Variants in SEPTIN8 observed in about 807,000 individuals in gnomAD.
SEPTIN8 encodes the protein septin-8.
A neutral mutation model predicts 53.1 loss-of-function variants in SEPTIN8; 22 were observed. The ratio of observed to expected loss-of-function variants is 0.41; its 90% CI spans 0.30 to 0.59. SEPTIN8 has a LOEUF of 0.59. Ranked by LOEUF, SEPTIN8 falls within the 20% of genes least tolerant of loss-of-function variation. The pLI is 0.24. For missense variants in SEPTIN8, 536 were observed against 638.7 expected (o/e 0.84, Z 1.73); for synonymous variants, 228 against 248.4 (o/e 0.92, Z 0.77).
upstream of SEPTIN8, among the ~76,000 whole-genome samples, chr5:132,779,000 C>G (rs541344260): frequency 9.2e-4 from 140 of 152,310 alleles, 1 homozygote; most frequent in Non-Finnish European, 1.9e-3. Context: ...TCTTTTATCT[C>G]TAATCGGAAA....
At chr5:132,775,596 G>C (rs145786141) in intron 1 of SEPTIN8, 3 of 152,310 alleles carry the variant, frequency 2.0e-5, no homozygotes, top group Admixed American at 1.3e-4. Context: ...GTCTGATTCT[G>C]GTTTCTCTAC....
chr5:132,754,398 T>C (rs757474279), intron 9 of SEPTIN8: 1 of 717,368 alleles, frequency 1.4e-6, no homozygotes, highest in South Asian at 1.5e-5. Context: ...CAGAAGGACA[T>C]CCTGAGGGCC....
In SEPTIN8 at chr5:132,760,240, G is replaced by A. The variant is rs1755763101; in HGVS notation, c.1286+562C>T. On this transcript the variant is annotated intron_variant, in intron 9 of 9. Transcript: ENST00000378719. This position sits in a 1 kb window ranked among gnomAD's most constrained non-coding sequence, Gnocchi z 5.2. ...GCTCCACACCACTGCCCCACAGACTGAGGAGGGATGCGCCACAGGTGTCCA... is the reference window on the plus strand; with the variant it reads ...GCTCCACACCACTGCCCCACAGACTAAGGAGGGATGCGCCACAGGTGTCCA... Among the ~76,000 whole-genome samples, 1 of 152,050 alleles carries A rather than the reference G, an allele frequency of 6.6e-6. No homozygotes were observed. The highest frequency in any genetic ancestry group is 2.4e-5 in the African/African-American group (1 of 41,374).
rs1755808650 is a variant in SEPTIN8 at position 132,760,598 on chromosome 5, C to A, written c.1286+204G>T. On this transcript the variant is annotated intron_variant, in intron 9 of 9. Transcript: ENST00000378719. The surrounding 1 kb of genome is among the most constrained non-coding windows in gnomAD (Gnocchi z 5.2). Reference sequence around the variant, plus strand: ...AGACTGCATGAGTATCAGAGCAATCCAGACGGCGAGACACTGGATCACTAG... The same window carrying A: ...AGACTGCATGAGTATCAGAGCAATCAAGACGGCGAGACACTGGATCACTAG... 6.6e-6 allele frequency among the ~76,000 whole-genome samples: 1 copy of A among 151,192 alleles called. No homozygotes were observed. Among genetic ancestry groups the A allele is most frequent in the Admixed American group, 6.6e-5 (1 of 15,260 alleles).
chr5:132,764,173 T>C (rs1459159168), intron 3 of SEPTIN8, 51 bp downstream of exon 3: 2 of 1,555,760 alleles, frequency 1.3e-6, no homozygotes, highest in South Asian at 1.2e-5. Flanking sequence ...TAGGGGCCAA[T>C]GTAGGTGGGG....
intron 9 of SEPTIN8, among the ~76,000 whole-genome samples, chr5:132,752,455 T>C (rs1754931662): frequency 6.6e-6 from 1 of 152,150 alleles, no homozygotes; most frequent in Non-Finnish European, 1.5e-5. Context: ...ATGGGAGCCC[T>C]TGTAGCCAAG....
rs1055952460 is a variant in SEPTIN8 at position 132,773,172 on chromosome 5, T to A, written c.30+3936A>T. 2.0e-5 allele frequency among the ~76,000 whole-genome samples: 3 copies of A among 152,114 alleles called. No homozygotes were observed. The highest frequency in any genetic ancestry group is 4.4e-5 in the Non-Finnish European group (3 of 68,040). ...GTGCCCCAGCTCTACCACAAGGGCA[T>A]GGAGACCTTGGGAGGGCGTCTCCTC... On this transcript the variant is annotated intron_variant, in intron 1 of 9. Transcript: ENST00000378719. This position sits in a 1 kb window ranked among gnomAD's most constrained non-coding sequence, Gnocchi z 4.2.
At chr5:132,754,339 GC>G (rs1390438155) in intron 9 of SEPTIN8, 7 of 708,646 alleles carry the variant, frequency 9.9e-6, no homozygotes, top group Non-Finnish European at 1.8e-5. Context: ...GCCGTTGAGT[GC>G]CCTCTGCCTC....
At chr5:132,754,164 G>A (rs1242568970) in intron 9 of SEPTIN8, 14 of 442,908 alleles carry the variant, frequency 3.2e-5, no homozygotes, top group Non-Finnish European at 4.5e-5. Flanking sequence ...AATTGCTTCC[G>A]ATCCTGTATG....
chr5:132,753,008 G>T, intron 9 of SEPTIN8: 1 of 1,500,440 alleles, frequency 6.7e-7, no homozygotes, highest in South Asian at 1.1e-5. Flanking sequence ...AGAGCATAGT[G>T]TGAAACCTCC....
chr5:132,762,046 A>G (rs1279974812), intron 5 of SEPTIN8, 150 bp from the exon 6 acceptor site: 2 of 676,800 alleles, frequency 3.0e-6, no homozygotes, highest in African/African-American at 3.6e-5. Flanking sequence ...TCTTCTGGAG[A>G]AATGTCCCAG....
In SEPTIN8 at chr5:132,765,450, T is replaced by G. The variant is rs1471705861; in HGVS notation, c.110A>C (p.Lys37Thr). Reference sequence around the variant, plus strand: ...GAAGCTGAAGCCCTGAGTGACCGACTTGCTGACCAGCTGGTCGGGGAGGCT... The same window carrying G: ...GAAGCTGAAGCCCTGAGTGACCGACGTGCTGACCAGCTGGTCGGGGAGGCT... The part of the protein sequence containing the change: ...FDSLPDQLVS[K>T]SVTQGFSFNI... The change falls in exon 2 of 10, where the codon AAG becomes ACG. Residue 37 changes from lysine to threonine, a missense_variant. Lys to Thr is a moderately conservative substitution (Grantham distance 78). This residue lies in a region of SEPTIN8 where 395 missense variants were observed against 451.8 expected (regional missense o/e 0.87). Transcript: ENST00000378719. The G allele has an allele frequency of 6.2e-7, 1 of 1,613,562 alleles. No individual in the cohort carries two copies. The highest frequency in any genetic ancestry group is 8.5e-7 in the Non-Finnish European group (1 of 1,179,680).
At position 132,758,820 on chromosome 5, in the gene SEPTIN8, G is replaced by A. The variant is rs112034900; in HGVS notation, c.1286+1982C>T. On this transcript the variant is annotated intron_variant, in intron 9 of 9. Coordinates refer to ENST00000378719, the MANE Select transcript of SEPTIN8 (RefSeq NM_001098811.2). ...TCTTGACATGTAAGTCTGTGCGTGC[G>A]TTAACTGAAAAATAAAAATAAAACA... The A allele has an allele frequency of 8.8e-3, 14,143 of 1,613,552 alleles. 80 individuals are homozygous for A. The highest frequency in any genetic ancestry group is 0.01 in the Non-Finnish European group (12,038 of 1,179,574).
chr5:132,756,089 T>G (rs769226734), intron 9 of SEPTIN8: 3 of 985,314 alleles, frequency 3.0e-6, no homozygotes, highest in Non-Finnish European at 3.6e-6. Context: ...CAGGAGTAAA[T>G]GAATTAACAC....
At position 132,761,768 on chromosome 5, in the gene SEPTIN8, AC is replaced by A; in HGVS notation, c.793+31del. The A allele has an allele frequency of 6.3e-7, 1 of 1,592,552 alleles. No individual in the cohort carries two copies. Among genetic ancestry groups the A allele is most frequent in the Non-Finnish European group, 8.6e-7 (1 of 1,168,176 alleles). On this transcript the variant is annotated intron_variant, in intron 6 of 9. Coordinates refer to ENST00000378719, the MANE Select transcript of SEPTIN8 (RefSeq NM_001098811.2). This position sits in a 1 kb window ranked among gnomAD's most constrained non-coding sequence, Gnocchi z 5.8. ...AGGGCAGGCCAGGGAACTCAGTTCT[AC>A]CCCCAGGATGCATTTCCTGTCCACA...
chr5:132,761,476 C>T lies in SEPTIN8; in HGVS notation c.944G>A (p.Gly315Asp), dbSNP rs758602967. Residue 315 changes from glycine to aspartate, a missense_variant, in exon 7 of 10, where the codon GGT (glycine) becomes GAT (aspartate). Transcript: ENST00000378719. This position sits in a 1 kb window ranked among gnomAD's most constrained non-coding sequence, Gnocchi z 5.8. ...CTGTCACCTGAAGGGCTGGCTGTCA[C>T]CATCGCTGTCCTGAAAGCCCATCTC... Reference protein sequence around the residue: ...LEEMGFQDSDGDSQPFSLQET... With the variant: ...LEEMGFQDSDDDSQPFSLQET... 2.5e-6 allele frequency: 4 copies of T among 1,612,224 alleles called. No individual in the cohort carries two copies. The highest frequency in any genetic ancestry group is 2.5e-6 in the Non-Finnish European group (3 of 1,179,690).
intron 1 of SEPTIN8, among the ~76,000 whole-genome samples, chr5:132,770,620 T>C (rs1205753009): frequency 1.3e-5 from 2 of 152,206 alleles, no homozygotes; most frequent in African/African-American, 2.4e-5. Context: ...AAGCTGGCTC[T>C]GGTGGGAGGG....
At position 132,763,811 on chromosome 5, in the gene SEPTIN8, G is replaced by A. The variant is rs199886507; in HGVS notation, c.429C>T (p.Phe143=). 72 of 1,612,336 alleles carry A rather than the reference G, an allele frequency of 4.5e-5. No homozygotes were observed. Among genetic ancestry groups the A allele is most frequent in the Non-Finnish European group, 5.4e-5 (64 of 1,179,314 alleles). ...CGTGGATCCTTGTGTCATGGTAGTC[G>A]AAGAGCGAGCGGCGGATCTTCAGCT... ...QEELKIRRSL[F]DYHDTRIHVC... The change falls in exon 4 of 10, where the codon TTC becomes TTT. Residue 143 remains phenylalanine, a synonymous_variant. Transcript: ENST00000378719.
intron 9 of SEPTIN8, chr5:132,756,325 C>T: frequency 1.0e-6 from 1 of 981,398 alleles, no homozygotes; most frequent in Non-Finnish European, 1.2e-6. Flanking sequence ...GCCTTTTGAT[C>T]TGGTGTAATT....
Sources: allele counts gnomAD v4.1 joint callset (sites outside exome capture counted in the v4.1 genomes callset), GRCh38; gene constraint gnomAD v4.1.1; regional missense constraint gnomAD v4.1.1; non-coding constraint Gnocchi (gnomAD v3.1); transcripts MANE v1.5; gene names NCBI Gene and HGNC (gene_info 2026-07-23, HGNC 2026-07-21).